Variants in INSL6 observed in about 807,000 individuals in gnomAD.
INSL6 encodes the protein insulin-like peptide INSL6.
In INSL6, 16 loss-of-function variants were observed where a neutral mutation model predicts 9.4. That is an observed-to-expected ratio of 1.70 (90% confidence interval 1.15 to 2.59). INSL6 has a LOEUF of 2.59. Among genes scored for constraint, INSL6 ranks in the 30% most tolerant of loss-of-function variants. The probability of loss-of-function intolerance (pLI) is 0.00; values close to 1 mark genes in which losing one functional copy is unlikely to be tolerated. For missense variants in INSL6, 391 were observed against 257.3 expected (o/e 1.52, Z -3.56); for synonymous variants, 154 against 96.9 (o/e 1.59, Z -3.46).
the INSL6 span, among the ~76,000 whole-genome samples, chr9:5,032,269 G>C: frequency 6.6e-6 from 1 of 152,224 alleles, no homozygotes; most frequent in African/African-American, 2.4e-5. Context: ...ACTGGGTGGA[G>C]CCCACCACAG....
chr9:4,995,303 G>A, the INSL6 span, among the ~76,000 whole-genome samples: 1 of 152,100 alleles, frequency 6.6e-6, no homozygotes, highest in East Asian at 1.9e-4. Flanking sequence ...GTTTTCCCTA[G>A]GTTGTCTCTT....
At chr9:5,025,661 C>A in the INSL6 span, among the ~76,000 whole-genome samples, 1 of 151,752 alleles carries the variant, frequency 6.6e-6, no homozygotes, top group Non-Finnish European at 1.5e-5. Flanking sequence ...AGCCTCCTGA[C>A]TAGCTGGACT....
chr9:5,182,993 A>C (rs1825493018), intron 1 of INSL6, among the ~76,000 whole-genome samples: 1 of 152,218 alleles, frequency 6.6e-6, no homozygotes, highest in African/African-American at 2.4e-5. Context: ...AGACTCAAGT[A>C]GATCATCAGG....
chr9:5,152,534 C>T (rs764789297), intron 2 of INSL6, among the ~76,000 whole-genome samples: 1 of 152,036 alleles, frequency 6.6e-6, no homozygotes, highest in South Asian at 2.1e-4. Context: ...AAACTTAAAG[C>T]TGTGAGTACA....
the INSL6 span, among the ~76,000 whole-genome samples, chr9:5,011,015 C>T: frequency 3.3e-5 from 5 of 152,186 alleles, no homozygotes; most frequent in South Asian, 8.3e-4. Flanking sequence ...TCTTGGTTCT[C>T]CTGTATGTAT....
At chr9:5,027,630 C>T in the INSL6 span, among the ~76,000 whole-genome samples, 3 of 152,258 alleles carry the variant, frequency 2.0e-5, no homozygotes, top group Non-Finnish European at 2.9e-5. Context: ...GCATTTTACC[C>T]GCAGTAGAAC....
chr9:5,156,212 G>T (rs1333960789), intron 2 of INSL6, among the ~76,000 whole-genome samples: 1 of 152,092 alleles, frequency 6.6e-6, no homozygotes, highest in African/African-American at 2.4e-5. Context: ...AATTTAATTT[G>T]TAATTAAAAC....
chr9:5,041,969 G>C, the INSL6 span: 1 of 373,142 alleles, frequency 2.7e-6, no homozygotes, highest in South Asian at 2.1e-5. Flanking sequence ...GCGGCCCCTT[G>C]GGGAGCGAGC....
chr9:5,151,052 G>GTACA (rs1824703443), intron 2 of INSL6, among the ~76,000 whole-genome samples: 1 of 152,148 alleles, frequency 6.6e-6, no homozygotes, highest in South Asian at 2.1e-4. Context: ...TGTAAAGTAT[G>GTACA]GAATGACAGA....
At chr9:5,041,372 C>A in the INSL6 span, 1 of 626,694 alleles carries the variant, frequency 1.6e-6, no homozygotes, top group Non-Finnish European at 3.0e-6. Flanking sequence ...CAACATGCAC[C>A]TGGGCAAGGA....
the INSL6 span, among the ~76,000 whole-genome samples, chr9:5,035,578 C>T: frequency 5.3e-5 from 8 of 152,174 alleles, no homozygotes; most frequent in Non-Finnish European, 8.8e-5. Flanking sequence ...GCTGGTTCAA[C>T]ATATGCAAAT....
the INSL6 span, chr9:5,085,038 G>A: frequency 2.5e-6 from 2 of 793,934 alleles, no homozygotes; most frequent in Admixed American, 1.8e-5. Context: ...TTGAATGAGG[G>A]CGTCTCTTTC....
At chr9:5,070,092 T>C in the INSL6 span, 1 of 1,433,408 alleles carries the variant, frequency 7.0e-7, no homozygotes, top group African/African-American at 1.4e-5. Flanking sequence ...TTTTGTCCTT[T>C]TAAAACAACA....
chr9:5,177,706 G>A (rs981602603), intron 1 of INSL6, among the ~76,000 whole-genome samples: 11 of 152,306 alleles, frequency 7.2e-5, no homozygotes, highest in Middle Eastern at 6.8e-3. Context: ...GAGTCCACCT[G>A]AAACGGGACA....
chr9:5,169,167 C>T (rs1478291017), intron 1 of INSL6, among the ~76,000 whole-genome samples: 1 of 152,232 alleles, frequency 6.6e-6, no homozygotes, highest in Non-Finnish European at 1.5e-5. Flanking sequence ...CTCAGGTGAT[C>T]CACCTGCCTT....
At chr9:5,069,138 C>G in the INSL6 span, 1 of 1,612,972 alleles carries the variant, frequency 6.2e-7, no homozygotes, top group Non-Finnish European at 8.5e-7. Flanking sequence ...TGAATTGTTA[C>G]CAGATGGAAA....
the INSL6 span, among the ~76,000 whole-genome samples, chr9:5,116,427 A>C: frequency 6.6e-6 from 1 of 152,236 alleles, no homozygotes; most frequent in East Asian, 1.9e-4. Flanking sequence ...CGTTCATCTA[A>C]TTACTTTTAG....
the INSL6 span, chr9:5,111,633 G>A: frequency 5.3e-6 from 2 of 376,890 alleles, no homozygotes; most frequent in African/African-American, 2.2e-5. Flanking sequence ...ATGCTGGGCG[G>A]GGGCTCATGC....
the INSL6 span, among the ~76,000 whole-genome samples, chr9:5,016,501 C>G: frequency 6.6e-6 from 1 of 152,038 alleles, no homozygotes; most frequent in Admixed American, 6.6e-5. Flanking sequence ...AAATAGTCAA[C>G]AAAATTAAAA....
Sources: allele counts gnomAD v4.1 joint callset (sites outside exome capture counted in the v4.1 genomes callset), GRCh38; gene constraint gnomAD v4.1.1; transcripts MANE v1.5; gene names NCBI Gene and HGNC (gene_info 2026-07-23, HGNC 2026-07-21).